NCKAP5: variants seen among roughly 807,000 people sequenced by gnomAD.
NCKAP5 encodes NCK associated protein 5, also known as nck-associated protein 5.
In NCKAP5, 92 loss-of-function variants were observed where a neutral mutation model predicts 167.0. The observed-to-expected ratio is 0.55, with a 90% CI of 0.47 to 0.66. NCKAP5 has a LOEUF of 0.66. Among genes scored for constraint, NCKAP5 ranks in the 30% least tolerant of loss-of-function variants. NCKAP5 has a pLI of 0.00. For missense variants in NCKAP5, 2,378 were observed against 2,315.0 expected, an observed-to-expected ratio of 1.03 and a Z score of -0.56; for synonymous variants, 891 against 877.4, an observed-to-expected ratio of 1.02 and a Z score of -0.27.
At chr2:133,286,621 G>T (rs13412008) in intron 4 of NCKAP5, among the ~76,000 whole-genome samples, 22,871 of 152,122 alleles carry the variant, frequency 0.15, 1,715 homozygotes, top group African/African-American at 0.17. Flanking sequence ...AAAGGATAAT[G>T]AAAACTGGAC....
chr2:132,860,827 T>G (rs968831833), intron 10 of NCKAP5, among the ~76,000 whole-genome samples: 2 of 152,192 alleles, frequency 1.3e-5, no homozygotes, highest in South Asian at 4.1e-4. Flanking sequence ...AAAAGCACCT[T>G]GAAATCAGAA....
chr2:133,587,899 C>A, the NCKAP5 span, among the ~76,000 whole-genome samples: 2 of 152,206 alleles, frequency 1.3e-5, no homozygotes, highest in African/African-American at 4.8e-5. Context: ...TATCGCCTGA[C>A]AAGACTTTCC....
At position 132,911,708 on chromosome 2, in the gene NCKAP5, C is replaced by T. The variant is rs144609985; in HGVS notation, c.580-32792G>A. On this transcript the variant is annotated intron_variant, in intron 8 of 19. Transcript: ENST00000409261. ...ACAGAAGGACATATTTTCCTTTGCCCTCCTATGTGAACTCCATAAGCAGAG... is the reference window on the plus strand; with the variant it reads ...ACAGAAGGACATATTTTCCTTTGCCTTCCTATGTGAACTCCATAAGCAGAG... 9.8e-3 allele frequency among the ~76,000 whole-genome samples: 1,485 copies of T among 152,298 alleles called. 12 individuals carry two copies. Among genetic ancestry groups the T allele is most frequent in the Non-Finnish European group, 0.014 (960 of 68,034 alleles).
intron 6 of NCKAP5, among the ~76,000 whole-genome samples, chr2:133,012,528 G>A (rs533480295): frequency 6.0e-4 from 92 of 152,114 alleles, no homozygotes; most frequent in African/African-American, 1.9e-3. Flanking sequence ...GATTACAGGC[G>A]TGTCAGAGTG....
At chr2:133,048,176 C>T (rs747282845) in intron 6 of NCKAP5, among the ~76,000 whole-genome samples, 21 of 152,124 alleles carry the variant, frequency 1.4e-4, no homozygotes, top group African/African-American at 4.8e-4. Flanking sequence ...GCCCTGTAAG[C>T]GTAGCAGTGA....
intron 6 of NCKAP5, among the ~76,000 whole-genome samples, chr2:133,050,282 A>C (rs542776939): frequency 1.3e-5 from 2 of 152,176 alleles, no homozygotes; most frequent in Admixed American, 1.3e-4. Flanking sequence ...TGTGTATAGA[A>C]GATTCAGTGG....
intron 6 of NCKAP5, among the ~76,000 whole-genome samples, chr2:133,098,671 T>TA (rs2081414308): frequency 6.6e-6 from 1 of 152,232 alleles, no homozygotes; most frequent in Non-Finnish European, 1.5e-5. Flanking sequence ...TTTTACACTC[T>TA]AGTTATATTT....
chr2:133,437,713 T>G (rs1345218001), intron 3 of NCKAP5, among the ~76,000 whole-genome samples: 1 of 152,150 alleles, frequency 6.6e-6, no homozygotes, highest in Admixed American at 6.5e-5. Flanking sequence ...TCAGACTTCT[T>G]GCATGTGAAT....
At chr2:132,762,496 T>C (rs1373079332) in intron 16 of NCKAP5, among the ~76,000 whole-genome samples, 1 of 152,312 alleles carries the variant, frequency 6.6e-6, no homozygotes, top group Non-Finnish European at 1.5e-5. Context: ...TCCCCAACTT[T>C]GTACTTTAGA....
At chr2:132,745,405 A>G (rs78400360) in intron 16 of NCKAP5, among the ~76,000 whole-genome samples, 1 of 151,254 alleles carries the variant, frequency 6.6e-6, no homozygotes, top group Non-Finnish European at 1.5e-5. Context: ...CAAAAAAAAA[A>G]CAGACACAGC....
chr2:133,545,561 C>A (rs1049643788), intron 2 of NCKAP5, among the ~76,000 whole-genome samples: 1 of 152,098 alleles, frequency 6.6e-6, no homozygotes, highest in Admixed American at 6.5e-5. Context: ...TGCCATCCCA[C>A]AAGGGCAGGC....
chr2:132,763,179 C>T (rs1250491952), intron 16 of NCKAP5, among the ~76,000 whole-genome samples: 1 of 152,156 alleles, frequency 6.6e-6, no homozygotes, highest in Non-Finnish European at 1.5e-5. Flanking sequence ...GACGTCTTAA[C>T]ACATAGGTCT....
chr2:132,980,208 T>G (rs2077093511), intron 7 of NCKAP5, among the ~76,000 whole-genome samples: 1 of 151,786 alleles, frequency 6.6e-6, no homozygotes, highest in South Asian at 2.1e-4. Context: ...CCCAGGCTGG[T>G]CTGGAACTCC....
chr2:133,208,001 C>G (rs2086032465), intron 5 of NCKAP5, among the ~76,000 whole-genome samples: 1 of 152,030 alleles, frequency 6.6e-6, no homozygotes, highest in South Asian at 2.1e-4. Flanking sequence ...GCAGAGAAAT[C>G]TGACAGACAC....
intron 3 of NCKAP5, among the ~76,000 whole-genome samples, chr2:133,442,568 T>A (rs1690927361): frequency 6.8e-6 from 1 of 147,912 alleles, no homozygotes; most frequent in Non-Finnish European, 1.5e-5. Context: ...GTAGGTCTCC[T>A]AATGGACTGC....
intron 8 of NCKAP5, among the ~76,000 whole-genome samples, chr2:132,881,363 T>C (rs2148822099): frequency 6.6e-6 from 1 of 151,956 alleles, no homozygotes; most frequent in Admixed American, 6.6e-5. Context: ...TTAGTAGAGA[T>C]GGGGTTTCAC....
intron 3 of NCKAP5, among the ~76,000 whole-genome samples, chr2:133,376,725 T>C (rs1686172474): frequency 1.3e-5 from 2 of 152,212 alleles, no homozygotes; most frequent in Admixed American, 1.3e-4. Flanking sequence ...TATGTGCCTT[T>C]CCAATCTCAT....
At chr2:133,070,856 GCATATAA>G (rs1413258336) in intron 6 of NCKAP5, among the ~76,000 whole-genome samples, 1 of 152,014 alleles carries the variant, frequency 6.6e-6, no homozygotes, top group Non-Finnish European at 1.5e-5. Flanking sequence ...TATAGTACAC[GCATATAA>G]CATTTTACAT....
In NCKAP5 at chr2:133,211,050, C is replaced by G. The variant is rs6750353; in HGVS notation, c.207+2666G>C. Among the ~76,000 whole-genome samples the G allele has an allele frequency of 9.2e-3, 1,385 of 150,486 alleles. 23 individuals are homozygous for G. Among genetic ancestry groups the G allele is most frequent in the African/African-American group, 0.033 (1,327 of 40,812 alleles). ...TCTCTTTTACTCTTCACCTTCTCCCCTCACTCCTCTCAAGCCAGCCCTGCC... is the reference window on the plus strand; with the variant it reads ...TCTCTTTTACTCTTCACCTTCTCCCGTCACTCCTCTCAAGCCAGCCCTGCC... On this transcript the variant is annotated intron_variant, in intron 5 of 19. Coordinates refer to ENST00000409261, the MANE Select transcript of NCKAP5 (RefSeq NM_207363.3).
Sources: allele counts gnomAD v4.1 joint callset (sites outside exome capture counted in the v4.1 genomes callset), GRCh38; gene constraint gnomAD v4.1.1; transcripts MANE v1.5; gene names NCBI Gene and HGNC (gene_info 2026-07-23, HGNC 2026-07-21).